The following DPPA5 variants were observed in gnomAD, a reference collection of about 807,000 sequenced individuals.
DPPA5 encodes developmental pluripotency associated 5, also known as developmental pluripotency-associated 5 protein.
A neutral mutation model predicts 11.3 loss-of-function variants in DPPA5; 11 were observed. The ratio of observed to expected loss-of-function variants is 0.97; its 90% CI spans 0.61 to 1.61. The LOEUF is 1.61. Ranked by LOEUF, DPPA5 falls within the 40% of genes most tolerant of loss-of-function variation. The pLI, the probability that DPPA5 is intolerant of heterozygous loss-of-function variation, is 0.00. For missense variants in DPPA5, 132 were observed against 151.8 expected (o/e 0.87, Z 0.68); for synonymous variants, 53 against 59.2 (o/e 0.90, Z 0.48).
rs1346315963 is a variant in DPPA5, at chr6:73,354,109, C to G, written c.112+5G>C. The G allele has an allele frequency of 2.0e-5, 32 of 1,614,052 alleles. No individual in the cohort carries two copies. The highest frequency in any genetic ancestry group is 2.7e-5 in the Non-Finnish European group (32 of 1,180,002). On this transcript the variant is annotated splice_donor_5th_base_variant and intron_variant, in intron 1 of 2. Coordinates refer to ENST00000370370, the MANE Select transcript of DPPA5 (RefSeq NM_001025290.3). ...GGGCAGCCCGCCAGTACTGGGCACA[C>G]TCACCGAAAATGGCTTTCAGCAGCC...
chr6:73,353,826 C>G lies in DPPA5; in HGVS notation c.292+27G>C, dbSNP rs370440408. ...AAGCGGCCCCCGCGAGCCTGTGTTC[C>G]GCGTACCCAGTCTCTGGGCCTCTCA... On this transcript the variant is annotated intron_variant, in intron 2 of 2. Transcript: ENST00000370370. The G allele has an allele frequency of 2.1e-5, 34 of 1,609,928 alleles. No homozygotes were observed. The East Asian group carries it at 7.1e-4, about 34-fold the overall frequency.
rs1457711936 is a variant in DPPA5 at position 73,353,164 on chromosome 6, G to A, written c.*156C>T. The A allele has an allele frequency of 5.3e-6, 4 of 761,532 alleles. No individual in the cohort carries two copies. The highest frequency in any genetic ancestry group is 8.6e-6 in the Non-Finnish European group (4 of 464,398). The allele number at this position is 761,532 out of a possible 1,614,324, so 47.2% of individuals were successfully genotyped here. On this transcript the variant is annotated 3_prime_UTR_variant, in exon 3 of 3. Transcript: ENST00000370370. ...AGAAATATTCACAACAAGACTCAGA[G>A]CCAAGGGTTTTCCCTTAACTCTTTA...
chr6:73,353,315 C>A lies in DPPA5; in HGVS notation c.*5G>T. ...CCGGCTTCATTGCATTGGCTGGAAACTGGTTCACTTCATCCAAGGGCCTAG... is the reference window on the plus strand; with the variant it reads ...CCGGCTTCATTGCATTGGCTGGAAAATGGTTCACTTCATCCAAGGGCCTAG... On this transcript the variant is annotated 3_prime_UTR_variant, in exon 3 of 3. Coordinates refer to ENST00000370370, the MANE Select transcript of DPPA5 (RefSeq NM_001025290.3). 6.2e-7 allele frequency: 1 copy of A among 1,614,094 alleles called. No individual in the cohort carries two copies. Among genetic ancestry groups the A allele is most frequent in the South Asian group, 1.1e-5 (1 of 91,082 alleles).
rs879200675 is a variant in DPPA5, at chr6:73,353,268, G to A, written c.*52C>T. On this transcript the variant is annotated 3_prime_UTR_variant, in exon 3 of 3. Coordinates refer to ENST00000370370, the MANE Select transcript of DPPA5 (RefSeq NM_001025290.3). The stretch of plus-strand genomic sequence containing the variant: ...AGCTTAAGGAATCACTCTAGCTCTG[G>A]CCACAACCTAATCTCTGCAACCCGG... 4.4e-6 allele frequency: 7 copies of A among 1,606,292 alleles called. No homozygotes were observed. In the South Asian group the frequency reaches 7.7e-5, roughly 18 times the overall value.
chr6:73,353,816 G>C, intron 2 of DPPA5, 37 bp downstream of exon 2: 1 of 1,605,412 alleles, frequency 6.2e-7, no homozygotes, highest in Non-Finnish European at 8.5e-7. Flanking sequence ...GCCCCCGCGA[G>C]CCTGTGTTCC....
intron 2 of DPPA5, 85 bp downstream of exon 2, chr6:73,353,768 G>T: frequency 6.7e-7 from 1 of 1,491,914 alleles, no homozygotes; most frequent in Non-Finnish European, 9.0e-7. Flanking sequence ...GAGCAAGAGA[G>T]GAGAAAGAGG....
intron 1 of DPPA5, 32 bp downstream of exon 1, chr6:73,354,082 C>G: frequency 6.2e-7 from 1 of 1,613,848 alleles, no homozygotes; most frequent in Non-Finnish European, 8.5e-7. Context: ...ACTCCCGAGC[C>G]GGGGCAGCCC....
In DPPA5 at chr6:73,354,266, C is replaced by A. The variant is rs377757876; in HGVS notation, c.-41G>T. 12 of 1,601,610 alleles carry A rather than the reference C, an allele frequency of 7.5e-6. No individual in the cohort carries two copies. Among genetic ancestry groups the A allele is most frequent in the Non-Finnish European group, 8.5e-7 (1 of 1,171,262 alleles). ...ACCAAGACCACTCTCCAGCGCAAACCAGGCCTAATCACGCCGGCCGAGGCT... is the reference window on the plus strand; with the variant it reads ...ACCAAGACCACTCTCCAGCGCAAACAAGGCCTAATCACGCCGGCCGAGGCT... On this transcript the variant is annotated 5_prime_UTR_variant, in exon 1 of 3. Transcript: ENST00000370370.
chr6:73,354,028 C>T lies in DPPA5; in HGVS notation c.117G>A (p.Pro39=), dbSNP rs1476112535. 1.9e-6 allele frequency: 3 copies of T among 1,613,904 alleles called. No individual in the cohort carries two copies. Among genetic ancestry groups the T allele is most frequent in the Middle Eastern group, 1.6e-4 (1 of 6,062 alleles). ...CGATGTAAGGGATTCGAGATCCGTC[C>T]GGGCCTGTTGGGGAAAAGAGATGAG... ...QTRLLKAIFG[P]DGSRIPYIEQ... Residue 39 remains proline, a synonymous_variant, in exon 2 of 3, where the codon CCG becomes CCA. Transcript: ENST00000370370.
In DPPA5 at chr6:73,354,242, C is replaced by A. The variant is rs756669895; in HGVS notation, c.-17G>T. On this transcript the variant is annotated 5_prime_UTR_variant, in exon 1 of 3. Transcript: ENST00000370370. ...AGTTCCCATCTTATGACCCTCACAA[C>A]CAAGACCACTCTCCAGCGCAAACCA... The A allele has an allele frequency of 4.3e-6, 7 of 1,612,998 alleles. No individual in the cohort carries two copies. In the East Asian group the frequency reaches 1.3e-4, roughly 31 times the overall value.
At position 73,353,345 on chromosome 6, in the gene DPPA5, A is replaced by G. The variant is rs1190841932; in HGVS notation, c.326T>C (p.Leu109Pro). 1.9e-6 allele frequency: 3 copies of G among 1,614,024 alleles called. No homozygotes were observed. Among genetic ancestry groups the G allele is most frequent in the Non-Finnish European group, 2.5e-6 (3 of 1,180,024 alleles). Residue 109 changes from leucine (L) to proline (P), a missense_variant, in exon 3 of 3, where the codon CTC becomes CCC. Physicochemically the swap from Leu to Pro is moderately conservative, Grantham distance 98. Coordinates refer to ENST00000370370, the MANE Select transcript of DPPA5 (RefSeq NM_001025290.3). ...MLKLAEAMNA[L>P]ELGPWMK ...TCACTTCATCCAAGGGCCTAGTTCGAGGGCATTCATGGCTTCGGCAAGTTT... is the reference window on the plus strand; with the variant it reads ...TCACTTCATCCAAGGGCCTAGTTCGGGGGCATTCATGGCTTCGGCAAGTTT...
intron 1 of DPPA5, 32 bp downstream of exon 1, chr6:73,354,082 C>A: frequency 6.2e-7 from 1 of 1,613,848 alleles, no homozygotes; most frequent in Non-Finnish European, 8.5e-7. Context: ...ACTCCCGAGC[C>A]GGGGCAGCCC....
chr6:73,353,476 GATCCAGGCGTTCTGGGCCT>G (rs1768720699), intron 2 of DPPA5, 98 bp from the exon 3 acceptor site: 2 of 1,449,848 alleles, frequency 1.4e-6, no homozygotes, highest in African/African-American at 2.8e-5. Flanking sequence ...TGGGACTTCT[GATCCAGGCGTTCTGGGCCT>G]GAGAGTCAGG....
At chr6:73,353,731 C>T (rs1768725427) in intron 2 of DPPA5, 122 bp downstream of exon 2, 2 of 1,329,272 alleles carry the variant, frequency 1.5e-6, no homozygotes, top group Admixed American at 2.7e-5. Context: ...CAAGGGCACC[C>T]CTGGTGACGC....
In DPPA5 at chr6:73,354,221, C is replaced by A. The variant is rs1427771623; in HGVS notation, c.5G>T (p.Gly2Val). 1.2e-6 allele frequency: 2 copies of A among 1,613,940 alleles called. No individual in the cohort carries two copies. The highest frequency in any genetic ancestry group is 3.3e-5 in the Admixed American group (2 of 59,996). ...GATATGTCTACGTGCCGGGAGAGTT[C>A]CCATCTTATGACCCTCACAACCAAG... is the stretch of plus-strand genomic sequence containing the variant. M[G>V]TLPARRHIPP... is the part of the protein sequence containing the mutation. The change falls in exon 1 of 3, where the codon GGA (glycine) becomes GTA (valine). Residue 2 changes from glycine (G) to valine (V), a missense_variant. Physicochemically the swap from Gly to Val is moderately radical, Grantham distance 109. Coordinates refer to ENST00000370370, the MANE Select transcript of DPPA5 (RefSeq NM_001025290.3).
In DPPA5 at chr6:73,354,191, G is replaced by T; in HGVS notation, c.35C>A (p.Pro12Gln). The change falls in exon 1 of 3, where the codon CCG becomes CAG. Residue 12 changes from proline (P) to glutamine (Q), a missense_variant. Transcript: ENST00000370370. Reference protein sequence around the residue: ...GTLPARRHIPPWVKVPEDLKD... With the variant: ...GTLPARRHIPQWVKVPEDLKD... ...CAGGTCTTCGGGAACTTTCACCCAC[G>T]GCGGGATATGTCTACGTGCCGGGAG... is the stretch of plus-strand genomic sequence containing the variant. 1.2e-6 allele frequency: 2 copies of T among 1,614,180 alleles called. No homozygotes were observed. The highest frequency in any genetic ancestry group is 1.7e-6 in the Non-Finnish European group (2 of 1,180,028).
rs1297686018 is a variant in DPPA5 at position 73,353,856 on chromosome 6, G to A, written c.289C>T (p.Arg97Ter). Reference protein sequence around the residue: ...MAEWHRQRQERGMLKLAEAMN... With the variant: ...MAEWHRQRQE ...ACCCAGTCTCTGGGCCTCTCACCTCGCTCCTGGCGCTGGCGGTGCCACTCA... is the reference window on the plus strand; with the variant it reads ...ACCCAGTCTCTGGGCCTCTCACCTCACTCCTGGCGCTGGCGGTGCCACTCA... The change falls in exon 2 of 3, where the codon CGA becomes TGA. Residue 97 changes from arginine (R) to a stop codon, truncating the protein, a stop_gained. Coordinates refer to ENST00000370370, the MANE Select transcript of DPPA5 (RefSeq NM_001025290.3). LOFTEE classifies it high-confidence loss of function. 1 of 1,613,130 alleles carries A rather than the reference G, an allele frequency of 6.2e-7. No homozygotes were observed. The highest frequency in any genetic ancestry group is 1.3e-5 in the African/African-American group (1 of 74,928).
chr6:73,353,233 T>C lies in DPPA5; in HGVS notation c.*87A>G. On this transcript the variant is annotated 3_prime_UTR_variant, in exon 3 of 3. Transcript: ENST00000370370. ...CCTTAACTCTTTAGGCTGGAGCAGA[T>C]TTTAAAACAAGCTTAAGGAATCACT... 1 of 1,552,114 alleles carries C rather than the reference T, an allele frequency of 6.4e-7. No homozygotes were observed. Among genetic ancestry groups the C allele is most frequent in the Middle Eastern group, 1.7e-4 (1 of 5,910 alleles).
intron 1 of DPPA5, 31 bp downstream of exon 1, chr6:73,354,083 G>T (rs374024571): frequency 1.2e-6 from 2 of 1,613,856 alleles, no homozygotes; most frequent in Non-Finnish European, 8.5e-7. Flanking sequence ...CTCCCGAGCC[G>T]GGGCAGCCCG....
Sources: allele counts gnomAD v4.1 joint callset, GRCh38; gene constraint gnomAD v4.1.1; transcripts MANE v1.5; gene names NCBI Gene and HGNC (gene_info 2026-07-23, HGNC 2026-07-21).